The following FGD4 variants were observed in gnomAD, a reference collection of about 807,000 sequenced individuals.
FGD4 encodes FYVE, RhoGEF and PH domain containing 4, also known as FYVE, RhoGEF and PH domain-containing protein 4.
Under a neutral mutation model 102.0 loss-of-function variants are expected in FGD4, and 42 were observed. The observed-to-expected ratio is 0.41, with a 90% confidence interval of 0.32 to 0.53. FGD4 has a LOEUF of 0.53. Ranked by LOEUF, FGD4 falls within the 20% of genes least tolerant of loss-of-function variation. The pLI, the probability that FGD4 is intolerant of heterozygous loss-of-function variation, is 0.21. For synonymous variants in FGD4, 380 were observed against 375.7 expected, an observed-to-expected ratio of 1.01 and a Z score of -0.13; for missense variants, 902 against 1,078.2, an observed-to-expected ratio of 0.84 and a Z score of 2.29.
chr12:32,527,446 T>C (rs77876149), intron 1 of FGD4, among the ~76,000 whole-genome samples: 1 of 151,008 alleles, frequency 6.6e-6, no homozygotes, highest in African/African-American at 2.5e-5. Context: ...CTTTTTTTTT[T>C]TGAGACAGAG....
chr12:32,421,946 C>A (rs1168897612), intron 1 of FGD4, among the ~76,000 whole-genome samples: 1 of 151,940 alleles, frequency 6.6e-6, no homozygotes, highest in Non-Finnish European at 1.5e-5. Flanking sequence ...CGAGACCATC[C>A]TGGCCAACGC....
chr12:32,399,799 C>T lies in FGD4; in HGVS notation c.6C>T (p.Ser2=), dbSNP rs1258277375. 4 of 1,530,476 alleles carry T rather than the reference C, an allele frequency of 2.6e-6. No homozygotes were observed. The South Asian group carries it at 4.8e-5, about 18-fold the overall frequency. The allele number at this position is 1,530,476 out of a possible 1,614,324, so 94.8% of individuals were successfully genotyped here. A position where few individuals can be genotyped will look rare whatever the true frequency, so the allele number is the denominator to read the frequency against. The change falls in exon 1 of 17, where the codon AGC becomes AGT. Residue 2 remains serine, a synonymous_variant. Coordinates refer to ENST00000534526, the MANE Select transcript of FGD4 (RefSeq NM_001370298.3). M[S]DEGGSNFRRV... ...CGGCGGTCGAGCCCGGCAGGATGAG[C>T]GACGAGGGCGGCTCCAACTTCAGGC... is the stretch of plus-strand genomic sequence containing the variant.
chr12:32,561,089 T>G (rs868345675), intron 1 of FGD4, among the ~76,000 whole-genome samples: 8 of 122,614 alleles, frequency 6.5e-5, no homozygotes, highest in African/African-American at 1.9e-4. Context: ...TTTTTTTTTT[T>G]TTTTTTTTTT....
intron 7 of FGD4, 102 bp downstream of exon 7, chr12:32,602,419 C>T (rs1387306799): frequency 1.4e-6 from 2 of 1,394,074 alleles, no homozygotes; most frequent in African/African-American, 2.9e-5. Context: ...TCTGAGATAC[C>T]TAGCCAAAAT....
At chr12:32,621,180 G>A (rs1327002674) in intron 11 of FGD4, among the ~76,000 whole-genome samples, 2 of 151,978 alleles carry the variant, frequency 1.3e-5, no homozygotes, top group African/African-American at 2.4e-5. Flanking sequence ...TTCTAGACCA[G>A]CCTGGCCAAC....
rs1332829385 is a variant in FGD4, at chr12:32,640,602, T to C, written c.*69T>C. The C allele has an allele frequency of 1.6e-5, 26 of 1,606,440 alleles. No individual in the cohort carries two copies. Among genetic ancestry groups the C allele is most frequent in the Non-Finnish European group, 8.5e-6 (10 of 1,175,822 alleles). Reference sequence around the variant, plus strand: ...AGCTCAAGACATTCCCAGCTCTTCTTACACATCTGCTAGCACTTTATGTTG... The same window carrying C: ...AGCTCAAGACATTCCCAGCTCTTCTCACACATCTGCTAGCACTTTATGTTG... On this transcript the variant is annotated 3_prime_UTR_variant, in exon 17 of 17. Coordinates refer to ENST00000534526, the MANE Select transcript of FGD4 (RefSeq NM_001370298.3).
chr12:32,543,829 A>G (rs1459378354), intron 1 of FGD4, among the ~76,000 whole-genome samples: 1 of 151,996 alleles, frequency 6.6e-6, no homozygotes, highest in African/African-American at 2.4e-5. Context: ...GGGTTTCACC[A>G]TCTTAGCCAG....
intron 1 of FGD4, among the ~76,000 whole-genome samples, chr12:32,400,861 A>G (rs1591830566): frequency 7.6e-6 from 1 of 131,032 alleles, no homozygotes; most frequent in African/African-American, 3.2e-5. Context: ...GACGATTTAA[A>G]TATGATAAAT....
intron 1 of FGD4, among the ~76,000 whole-genome samples, chr12:32,403,601 CT>C (rs113831633): frequency 0.53 from 76,713 of 143,410 alleles, 20,782 homozygotes; most frequent in African/African-American, 0.69. Context: ...AAAACTCCAT[CT>C]TTTTTTTTTT....
At chr12:32,562,955 G>A (rs1319521356) in intron 1 of FGD4, among the ~76,000 whole-genome samples, 6 of 152,128 alleles carry the variant, frequency 3.9e-5, no homozygotes, top group Non-Finnish European at 7.4e-5. Flanking sequence ...GGTGGTGGCC[G>A]GGCAGAGGGG....
At chr12:32,621,025 C>T (rs12314569) in intron 11 of FGD4, among the ~76,000 whole-genome samples, 22,867 of 151,974 alleles carry the variant, frequency 0.15, 1,985 homozygotes, top group Middle Eastern at 0.26. Flanking sequence ...AGCTACCTCA[C>T]GCATGAACCC....
At chr12:32,595,054 G>A (rs931019647) in intron 4 of FGD4, among the ~76,000 whole-genome samples, 3 of 150,310 alleles carry the variant, frequency 2.0e-5, no homozygotes, top group East Asian at 1.9e-4. Flanking sequence ...AAACAACACA[G>A]CAAAATAAAA....
At chr12:32,526,574 G>A (rs113517685) in intron 1 of FGD4, among the ~76,000 whole-genome samples, 1 of 152,204 alleles carries the variant, frequency 6.6e-6, no homozygotes, top group African/African-American at 2.4e-5. Context: ...AGCAGGATGT[G>A]GGTGGGGCCA....
At chr12:32,406,185 G>A (rs4931623) in intron 1 of FGD4, among the ~76,000 whole-genome samples, 1 of 151,440 alleles carries the variant, frequency 6.6e-6, no homozygotes, top group Non-Finnish European at 1.5e-5. Flanking sequence ...CAGGTGATCC[G>A]CCCGCCTCAG....
chr12:32,625,611 A>G (rs1227068135), intron 13 of FGD4, 43 bp from the exon 14 acceptor site: 11 of 1,594,598 alleles, frequency 6.9e-6, no homozygotes, highest in Non-Finnish European at 9.4e-6. Flanking sequence ...AAAGGGAATT[A>G]TAGTTTTTTT....
At chr12:32,426,712 TA>T (rs1262936243) in intron 1 of FGD4, among the ~76,000 whole-genome samples, 1 of 152,172 alleles carries the variant, frequency 6.6e-6, no homozygotes, top group Non-Finnish European at 1.5e-5. Flanking sequence ...TTTTGGTTGG[TA>T]GTCTATTAAT....
At position 32,402,225 on chromosome 12, in the gene FGD4, G is replaced by T. The variant is rs910731169; in HGVS notation, c.166+2266G>T. On this transcript the variant is annotated intron_variant, in intron 1 of 16. Transcript: ENST00000534526. Reference sequence around the variant, plus strand: ...GGGAGACCGAGGGGGAGGATCGCTTGAGCCCAGGAGTTTGAGACCGGCCTG... The same window carrying T: ...GGGAGACCGAGGGGGAGGATCGCTTTAGCCCAGGAGTTTGAGACCGGCCTG... Among the ~76,000 whole-genome samples, 5 of 150,438 alleles carry T rather than the reference G, an allele frequency of 3.3e-5. No homozygotes were observed. The Admixed American group carries it at 3.3e-4, about 10-fold the overall frequency.
intron 1 of FGD4, among the ~76,000 whole-genome samples, chr12:32,461,186 G>T (rs1224296206): frequency 1.3e-5 from 2 of 151,890 alleles, no homozygotes; most frequent in African/African-American, 4.8e-5. Context: ...TTTTTCCTTT[G>T]GGAAAATATC....
chr12:32,500,230 G>T (rs550312345), intron 1 of FGD4, among the ~76,000 whole-genome samples: 12 of 151,954 alleles, frequency 7.9e-5, no homozygotes, highest in Admixed American at 3.9e-4. Context: ...CCTAAAAAAT[G>T]AAGATAATAA....
Sources: allele counts gnomAD v4.1 joint callset (sites outside exome capture counted in the v4.1 genomes callset), GRCh38; gene constraint gnomAD v4.1.1; transcripts MANE v1.5; gene names NCBI Gene and HGNC (gene_info 2026-07-23, HGNC 2026-07-21).